ATP1B4: variants seen among roughly 807,000 people sequenced by gnomAD.
The protein encoded by ATP1B4 is protein ATP1B4.
Under a neutral mutation model 29.6 loss-of-function variants are expected in ATP1B4, and 32 were observed. That is an observed-to-expected ratio of 1.08 (90% confidence interval 0.82 to 1.45). ATP1B4 has a LOEUF of 1.45. Ranked by LOEUF, ATP1B4 falls within the 40% of genes most tolerant of loss-of-function variation. The probability of loss-of-function intolerance (pLI) is 0.00; values close to 1 mark genes in which losing one functional copy is unlikely to be tolerated. For synonymous variants in ATP1B4, 127 were observed against 102.1 expected, an observed-to-expected ratio of 1.24 and a Z score of -1.47; for missense variants, 323 against 276.2, an observed-to-expected ratio of 1.17 and a Z score of -1.20.
At chrX:120,376,798 T>C (rs1487701043) in intron 6 of ATP1B4, among the ~76,000 whole-genome samples, 3 of 112,686 alleles carry the variant, frequency 2.7e-5, no homozygotes, top group Non-Finnish European at 5.6e-5. Context: ...ACTTGTTTCT[T>C]TGAACTAAAC....
At chrX:120,379,409 T>A in intron 7 of ATP1B4, 64 bp from the exon 8 acceptor site, 1 of 1,050,353 alleles carries the variant, frequency 9.5e-7, no homozygotes, top group Non-Finnish European at 1.3e-6. Flanking sequence ...CCTGCAGTGA[T>A]TATCTGATCA....
At chrX:120,367,836 G>A (rs1042515577) in intron 2 of ATP1B4, among the ~76,000 whole-genome samples, 2 of 111,460 alleles carry the variant, frequency 1.8e-5, no homozygotes, top group East Asian at 2.8e-4. Flanking sequence ...GGAATAGCAC[G>A]TGGGATCTCC....
intron 6 of ATP1B4, among the ~76,000 whole-genome samples, chrX:120,378,142 A>C (rs1268985062): frequency 8.9e-6 from 1 of 111,918 alleles, no homozygotes; most frequent in Non-Finnish European, 1.9e-5. Context: ...AGGTGAGCCA[A>C]CTGTAGGCTG....
intron 5 of ATP1B4, 147 bp from the exon 6 acceptor site, chrX:120,376,233 T>C (rs140824579): frequency 6.8e-4 from 329 of 483,395 alleles, no homozygotes; most frequent in Non-Finnish European, 8.4e-4. Flanking sequence ...TTTCATTTTT[T>C]GCTTTTTGTA....
Position 120,379,427 on chromosome X carries a change from C to T in ATP1B4, c.913-46C>T, listed in dbSNP as rs913204425. On this transcript the variant is annotated intron_variant, in intron 7 of 7. Coordinates refer to ENST00000218008, the MANE Select transcript of ATP1B4 (RefSeq NM_001142447.3). ...GCAGTGATTATCTGATCACTTCCCTCCTACCACCTCCCCACACTTAGAATT... is the reference window on the plus strand; with the variant it reads ...GCAGTGATTATCTGATCACTTCCCTTCTACCACCTCCCCACACTTAGAATT... 15 of 1,143,855 alleles carry T rather than the reference C, an allele frequency of 1.3e-5. No individual in the cohort carries two copies. In the East Asian group the frequency reaches 4.6e-4, roughly 35 times the overall value. 94.3% of individuals were successfully genotyped at this position (1,143,855 alleles called of 1,213,427 possible). A position where few individuals can be genotyped will look rare whatever the true frequency, so the allele number is the denominator to read the frequency against.
At chrX:120,365,594 G>A (rs1033751347) in intron 1 of ATP1B4, among the ~76,000 whole-genome samples, 3 of 112,485 alleles carry the variant, frequency 2.7e-5, no homozygotes, top group African/African-American at 9.7e-5. Flanking sequence ...CTCATTTTCT[G>A]CTGCTGCAAT....
In ATP1B4 at chrX:120,375,541, G is replaced by A. The variant is rs1429021013; in HGVS notation, c.732G>A (p.Gln244=). The change falls in exon 5 of 8, where the codon CAG becomes CAA. Residue 244 remains glutamine, a synonymous_variant. Coordinates refer to ENST00000218008, the MANE Select transcript of ATP1B4 (RefSeq NM_001142447.3). ...CAACTTTTGGATACTCTACTGGACA[G>A]CCCTGCATCCTTCTAAAGATGAACC... The part of the protein sequence containing the change: ...EDPTFGYSTG[Q]PCILLKMNRI... The A allele has an allele frequency of 3.3e-6, 4 of 1,204,421 alleles. No individual in the cohort carries two copies. The highest frequency in any genetic ancestry group is 2.3e-4 in the Middle Eastern group (1 of 4,339).
At chrX:120,362,792 A>G (rs2058268845) in intron 1 of ATP1B4, among the ~76,000 whole-genome samples, 1 of 112,171 alleles carries the variant, frequency 8.9e-6, no homozygotes, top group African/African-American at 3.2e-5. Flanking sequence ...TGTGGCTCAG[A>G]GTACAGGAGT....
At chrX:120,367,016 A>G (rs1012765772) in intron 2 of ATP1B4, among the ~76,000 whole-genome samples, 4 of 112,525 alleles carry the variant, frequency 3.6e-5, no homozygotes, top group African/African-American at 1.3e-4. Flanking sequence ...CACTGGGCTC[A>G]ACATCAGTTG....
chrX:120,367,110 C>T (rs1022779871), intron 2 of ATP1B4, among the ~76,000 whole-genome samples: 2 of 111,946 alleles, frequency 1.8e-5, no homozygotes, highest in African/African-American at 6.5e-5. Flanking sequence ...TCCACGTGAC[C>T]GTGGACTCAT....
At chrX:120,372,714 T>C (rs1443304801) in intron 4 of ATP1B4, among the ~76,000 whole-genome samples, 3 of 112,524 alleles carry the variant, frequency 2.7e-5, no homozygotes, top group African/African-American at 6.5e-5. Context: ...GTTTGAGACA[T>C]GCTGCTTTTC....
chrX:120,375,971 G>C (rs1892463901), intron 5 of ATP1B4, among the ~76,000 whole-genome samples: 1 of 111,552 alleles, frequency 9.0e-6, no homozygotes, highest in Non-Finnish European at 1.9e-5. Context: ...ATAAAGAATG[G>C]AATACTGAGC....
intron 5 of ATP1B4, among the ~76,000 whole-genome samples, 165 bp downstream of exon 5, chrX:120,375,733 C>A (rs765960458): frequency 3.7e-5 from 4 of 109,153 alleles, no homozygotes; most frequent in Admixed American, 2.0e-4. Context: ...AATTTCTTCC[C>A]CCCCGCCCAC....
rs1462099842 is a variant in ATP1B4 at position 120,381,294 on chromosome X, G to A, written c.*1660G>A. 2 of 111,753 alleles carry A rather than the reference G, an allele frequency of 1.8e-5. No individual in the cohort carries two copies. The highest frequency in any genetic ancestry group is 6.5e-5 in the African/African-American group (2 of 30,709). The allele number at this position is 111,753 out of a possible 1,213,427, so 9.2% of individuals were successfully genotyped here. On this transcript the variant is annotated 3_prime_UTR_variant, in exon 8 of 8. Coordinates refer to ENST00000218008, the MANE Select transcript of ATP1B4 (RefSeq NM_001142447.3). ...GTAACTGGAATGAAAAGGGCTCAGA[G>A]GAATGGCAGGGATGGCAAGAGATCC...
intron 2 of ATP1B4, among the ~76,000 whole-genome samples, chrX:120,367,411 T>C (rs2058291641): frequency 8.9e-6 from 1 of 111,869 alleles, no homozygotes. Context: ...AGATGTTTGA[T>C]CAGTGGCAGA....
At chrX:120,371,999 G>A (rs2058315958) in intron 4 of ATP1B4, among the ~76,000 whole-genome samples, 1 of 112,459 alleles carries the variant, frequency 8.9e-6, no homozygotes, top group South Asian at 3.7e-4. Flanking sequence ...TTCCAGAAAG[G>A]AGTTAGAGGA....
intron 5 of ATP1B4, 105 bp from the exon 6 acceptor site, chrX:120,376,275 T>C (rs1186164127): frequency 4.1e-6 from 3 of 734,413 alleles, no homozygotes; most frequent in African/African-American, 2.1e-5. Context: ...AGATGAAGCA[T>C]ATGCCTGAGG....
intron 6 of ATP1B4, among the ~76,000 whole-genome samples, chrX:120,377,810 G>A (rs746461037): frequency 8.9e-6 from 1 of 111,983 alleles, no homozygotes; most frequent in African/African-American, 3.2e-5. Flanking sequence ...AATCAAGCAG[G>A]ATGAGGTAAT....
intron 7 of ATP1B4, 124 bp from the exon 8 acceptor site, chrX:120,379,349 G>C (rs1569356836): frequency 3.2e-6 from 2 of 628,142 alleles, no homozygotes; most frequent in Non-Finnish European, 4.8e-6. Context: ...TTGGCCATTT[G>C]CAAATTGGCA....
Sources: allele counts gnomAD v4.1 joint callset (sites outside exome capture counted in the v4.1 genomes callset), GRCh38; gene constraint gnomAD v4.1.1; transcripts MANE v1.5; gene names NCBI Gene and HGNC (gene_info 2026-07-23, HGNC 2026-07-21).